The following NFIX variants were observed in gnomAD, a reference collection of about 807,000 sequenced individuals.
The protein encoded by NFIX is nuclear factor I X.
A neutral mutation model predicts 53.3 loss-of-function variants in NFIX; 2 were observed. The observed-to-expected ratio is 0.04, with a 90% CI of 0.02 to 0.12. The LOEUF is 0.12. NFIX is among the 10% of genes least tolerant of loss of function. NFIX has a pLI of 1.00. For synonymous variants in NFIX, 244 were observed against 289.0 expected, an observed-to-expected ratio of 0.84 and a Z score of 1.58; for missense variants, 310 against 674.5, an observed-to-expected ratio of 0.46 and a Z score of 5.99.
At chr19:13,015,714 C>T (rs1486149317) in intron 1 of NFIX, among the ~76,000 whole-genome samples, 1 of 152,116 alleles carries the variant, frequency 6.6e-6, no homozygotes, top group Non-Finnish European at 1.5e-5. Flanking sequence ...CCCATACATG[C>T]CCTGTTAGTC....
rs777981950 is a variant in NFIX, at chr19:13,094,065, G to A, written c.1495-570G>A. 1.3e-5 allele frequency among the ~76,000 whole-genome samples: 2 copies of A among 152,200 alleles called. No individual in the cohort carries two copies. The highest frequency in any genetic ancestry group is 2.9e-5 in the Non-Finnish European group (2 of 68,026). The stretch of plus-strand genomic sequence containing the variant: ...TAGAGGATCCAGCACCATGGGCTAC[G>A]TGGCCCCTCCCCCAGGCCTGGCGCT... On this transcript the variant is annotated intron_variant, in intron 10 of 10. Coordinates refer to ENST00000592199, the MANE Select transcript of NFIX (RefSeq NM_001365902.3). The surrounding 1 kb of genome is among the most constrained non-coding windows in gnomAD (Gnocchi z 4.3).
intron 1 of NFIX, among the ~76,000 whole-genome samples, chr19:12,997,793 G>T (rs925818494): frequency 1.3e-5 from 2 of 152,254 alleles, no homozygotes; most frequent in Admixed American, 6.5e-5. Context: ...AATGCCTGTG[G>T]ATACGCCGGT....
In NFIX at chr19:13,052,675, A is replaced by C. The variant is rs1357217561; in HGVS notation, c.560-20372A>C. On this transcript the variant is annotated intron_variant, in intron 2 of 10. Transcript: ENST00000592199. The surrounding 1 kb of genome is among the most constrained non-coding windows in gnomAD (Gnocchi z 5.2). ...CTAGAGTTGTTCATAGCCTGGCCTT[A>C]ACCCTGCCGATTCCATATACTGTGC... 1.3e-5 allele frequency among the ~76,000 whole-genome samples: 2 copies of C among 152,150 alleles called. No individual in the cohort carries two copies. Among genetic ancestry groups the C allele is most frequent in the East Asian group, 3.8e-4 (2 of 5,196 alleles).
chr19:13,078,352 A>G lies in NFIX; in HGVS notation c.956-261A>G, dbSNP rs909254689. On this transcript the variant is annotated intron_variant, in intron 6 of 10. Transcript: ENST00000592199. This position sits in a 1 kb window ranked among gnomAD's most constrained non-coding sequence, Gnocchi z 4.7. ...GGCCCTTGCTCACCCCCTGCCTGGCACACACCACCCCACATTACCCAGGGG... is the reference window on the plus strand; with the variant it reads ...GGCCCTTGCTCACCCCCTGCCTGGCGCACACCACCCCACATTACCCAGGGG... Among the ~76,000 whole-genome samples the G allele has an allele frequency of 2.0e-5, 3 of 152,100 alleles. No homozygotes were observed. The highest frequency in any genetic ancestry group is 4.4e-5 in the Non-Finnish European group (3 of 68,004).
intron 8 of NFIX, among the ~76,000 whole-genome samples, chr19:13,084,999 G>A (rs1181721937): frequency 1.3e-5 from 2 of 151,398 alleles, no homozygotes; most frequent in Non-Finnish European, 2.9e-5. Flanking sequence ...GAACCCGGGA[G>A]GCGGAGGTTG....
At position 12,996,168 on chromosome 19, in the gene NFIX, TGTGC is replaced by T. The variant is rs2011461151; in HGVS notation, c.27+306_27+309del. Among the ~76,000 whole-genome samples, 1 of 150,726 alleles carries T rather than the reference TGTGC, an allele frequency of 6.6e-6. No individual in the cohort carries two copies. The highest frequency in any genetic ancestry group is 1.5e-5 in the Non-Finnish European group (1 of 67,774). On this transcript the variant is annotated intron_variant, in intron 1 of 10. Coordinates refer to ENST00000592199, the MANE Select transcript of NFIX (RefSeq NM_001365902.3). The surrounding 1 kb of genome is among the most constrained non-coding windows in gnomAD (Gnocchi z 5.2). Reference sequence around the variant, plus strand: ...GTGTGTGTGTGTGTGTGTGTGTGTGTGTGCGCGCTCGACTGGGGTGCGATGGGCA... The same window carrying T: ...GTGTGTGTGTGTGTGTGTGTGTGTGTGCGCTCGACTGGGGTGCGATGGGCA...
At chr19:13,058,098 G>C (rs566760288) in intron 2 of NFIX, among the ~76,000 whole-genome samples, 13 of 152,122 alleles carry the variant, frequency 8.5e-5, no homozygotes, top group African/African-American at 3.1e-4. Flanking sequence ...GGAGGGGGTT[G>C]CCCTAAGTTG....
chr19:13,055,458 CT>C (rs1200525487), intron 2 of NFIX, among the ~76,000 whole-genome samples: 1 of 152,222 alleles, frequency 6.6e-6, no homozygotes, highest in Non-Finnish European at 1.5e-5. Context: ...TGCCCTCCCC[CT>C]GCCTCTGGTG....
rs2016435824 is a variant in NFIX, at chr19:13,066,843, C to G, written c.560-6204C>G. 6.6e-6 allele frequency among the ~76,000 whole-genome samples: 1 copy of G among 152,122 alleles called. No individual in the cohort carries two copies. The highest frequency in any genetic ancestry group is 2.1e-4 in the South Asian group (1 of 4,832). ...GAAGATCCTAGAAGCCCCGTGGGCC[C>G]AGACCCTGGCCAAGCCTCATCCCCC... On this transcript the variant is annotated intron_variant, in intron 2 of 10. Coordinates refer to ENST00000592199, the MANE Select transcript of NFIX (RefSeq NM_001365902.3). The surrounding 1 kb of genome is among the most constrained non-coding windows in gnomAD (Gnocchi z 4.2).
In NFIX at chr19:13,067,483, C is replaced by CGTGTGT. The variant is rs3982404; in HGVS notation, c.560-5547_560-5542dup. 6.8e-6 allele frequency among the ~76,000 whole-genome samples: 1 copy of CGTGTGT among 147,324 alleles called. No homozygotes were observed. Among genetic ancestry groups the CGTGTGT allele is most frequent in the Non-Finnish European group, 1.5e-5 (1 of 66,158 alleles). The stretch of plus-strand genomic sequence containing the variant: ...GCGCGCGTGTGTGTGTGTGTGTGTG[C>CGTGTGT]GTGTGTGTGTGTGTGTGTGTGTATG... On this transcript the variant is annotated intron_variant, in intron 2 of 10. Coordinates refer to ENST00000592199, the MANE Select transcript of NFIX (RefSeq NM_001365902.3). The surrounding 1 kb of genome is among the most constrained non-coding windows in gnomAD (Gnocchi z 4.2).
At chr19:13,000,975 G>T (rs1210506098) in intron 1 of NFIX, among the ~76,000 whole-genome samples, 1 of 152,150 alleles carries the variant, frequency 6.6e-6, no homozygotes, top group African/African-American at 2.4e-5. Context: ...CTGAGATATT[G>T]TCTCCCCCAC....
chr19:13,093,754 T>C lies in NFIX; in HGVS notation c.1495-881T>C, dbSNP rs1444085243. Among the ~76,000 whole-genome samples the C allele has an allele frequency of 1.3e-5, 2 of 152,162 alleles. No individual in the cohort carries two copies. The highest frequency in any genetic ancestry group is 4.8e-5 in the African/African-American group (2 of 41,420). On this transcript the variant is annotated intron_variant, in intron 10 of 10. Transcript: ENST00000592199. The surrounding 1 kb of genome is among the most constrained non-coding windows in gnomAD (Gnocchi z 4.7). ...GATGCATTTTCAGGGACCCTCATTTTGCCCCAACGGTACTACCAGGTGCAC... is the reference window on the plus strand; with the variant it reads ...GATGCATTTTCAGGGACCCTCATTTCGCCCCAACGGTACTACCAGGTGCAC...
rs569416250 is a variant in NFIX at position 13,026,742 on chromosome 19, C to G, written c.559+1190C>G. 8.1e-4 allele frequency among the ~76,000 whole-genome samples: 118 copies of G among 146,508 alleles called. No individual in the cohort carries two copies. The South Asian group carries it at 8.7e-3, about 11-fold the overall frequency. ...CAAACCTTTCTCTCTCTCTCTCTCT[C>G]TCTGTGTGTGTGTGTGTGTGTGTGT... On this transcript the variant is annotated intron_variant, in intron 2 of 10. Transcript: ENST00000592199.
chr19:13,023,638 T>C lies in NFIX; in HGVS notation c.28-1383T>C, dbSNP rs74899855. 3.9e-5 allele frequency among the ~76,000 whole-genome samples: 5 copies of C among 126,644 alleles called. 1 individual carries two copies. Among genetic ancestry groups the C allele is most frequent in the African/African-American group, 1.3e-4 (5 of 39,318 alleles). 83.1% of individuals were successfully genotyped at this position (126,644 alleles called of 152,430 possible). A position where few individuals can be genotyped will look rare whatever the true frequency, so the allele number is the denominator to read the frequency against. Reference sequence around the variant, plus strand: ...AAATTTTGCATTTTTTTCTTTTTTTTTTTTTTTAAACTGGAAGAGGATGCA... The same window carrying C: ...AAATTTTGCATTTTTTTCTTTTTTTCTTTTTTTAAACTGGAAGAGGATGCA... On this transcript the variant is annotated intron_variant, in intron 1 of 10. Coordinates refer to ENST00000592199, the MANE Select transcript of NFIX (RefSeq NM_001365902.3).
At position 13,093,387 on chromosome 19, in the gene NFIX, G is replaced by A. The variant is rs557149960; in HGVS notation, c.1495-1248G>A. On this transcript the variant is annotated intron_variant, in intron 10 of 10. Transcript: ENST00000592199. The surrounding 1 kb of genome is among the most constrained non-coding windows in gnomAD (Gnocchi z 4.7). Reference sequence around the variant, plus strand: ...AATTTTCACACGAAATTCTGTTTGGGCTTCTGGCTTCTTTTGAAAAGTTGG... The same window carrying A: ...AATTTTCACACGAAATTCTGTTTGGACTTCTGGCTTCTTTTGAAAAGTTGG... 9.8e-5 allele frequency among the ~76,000 whole-genome samples: 15 copies of A among 152,324 alleles called. No individual in the cohort carries two copies. The highest frequency in any genetic ancestry group is 3.6e-4 in the African/African-American group (15 of 41,586).
rs1308442629 is a variant in NFIX, at chr19:13,060,758, G to C, written c.560-12289G>C. On this transcript the variant is annotated intron_variant, in intron 2 of 10. Transcript: ENST00000592199. The surrounding 1 kb of genome is among the most constrained non-coding windows in gnomAD (Gnocchi z 4.3). ...GCGATCTGCACTGCCCAGGGTCAGG[G>C]GGATGGGGGGGTCGGCCTCACCTCG... 6.6e-5 allele frequency among the ~76,000 whole-genome samples: 10 copies of C among 151,434 alleles called. No individual in the cohort carries two copies. Among genetic ancestry groups the C allele is most frequent in the East Asian group, 3.9e-4 (2 of 5,148 alleles).
At chr19:13,061,227 C>T (rs2016067167) in intron 2 of NFIX, among the ~76,000 whole-genome samples, 1 of 152,186 alleles carries the variant, frequency 6.6e-6, no homozygotes. Flanking sequence ...GCCTTCTATT[C>T]GCCCACCCAT....
At chr19:13,057,972 A>G (rs1267464013) in intron 2 of NFIX, among the ~76,000 whole-genome samples, 2 of 152,200 alleles carry the variant, frequency 1.3e-5, no homozygotes, top group Admixed American at 6.5e-5. Flanking sequence ...GGGGCTGTTC[A>G]GGGATCCTGG....
At chr19:13,003,909 G>A (rs2011866617) in intron 1 of NFIX, among the ~76,000 whole-genome samples, 1 of 152,082 alleles carries the variant, frequency 6.6e-6, no homozygotes, top group South Asian at 2.1e-4. Context: ...CAAGTAGCTG[G>A]GACTACAGCC....
Sources: gnomAD v4.1 joint callset for allele counts (sites outside exome capture counted in the v4.1 genomes callset) on GRCh38, gnomAD v4.1.1 for gene constraint, Gnocchi (gnomAD v3.1) non-coding constraint, MANE v1.5 for transcripts, NCBI Gene and HGNC (gene_info 2026-07-23, HGNC 2026-07-21) for gene names.